Variants in MCUB observed in about 807,000 individuals in gnomAD.
MCUB encodes the protein mitochondrial calcium uniporter dominant negative subunit beta, also known as calcium uniporter regulatory subunit MCUb, mitochondrial.
A neutral mutation model predicts 41.4 loss-of-function variants in MCUB; 46 were observed. The ratio of observed to expected loss-of-function variants is 1.11; its 90% CI spans 0.88 to 1.42. The LOEUF (loss-of-function observed/expected upper bound fraction) is 1.42. Among genes scored for constraint, MCUB ranks in the 40% most tolerant of loss-of-function variants. The pLI is 0.00. For synonymous variants in MCUB, 148 were observed against 148.2 expected (o/e 1.00, Z 0.01); for missense variants, 403 against 404.9 (o/e 1.00, Z 0.04).
intron 1 of MCUB, among the ~76,000 whole-genome samples, chr4:109,576,258 G>A (rs978220055): frequency 7.9e-5 from 12 of 152,126 alleles, no homozygotes; most frequent in Non-Finnish European, 2.9e-5. Context: ...TGTAGTCTCC[G>A]TTAGAGACAT....
At position 109,682,691 on chromosome 4, in the gene MCUB, T is replaced by C. The variant is rs566061892; in HGVS notation, c.561T>C (p.His187=). 28 of 1,613,692 alleles carry C rather than the reference T, an allele frequency of 1.7e-5. No individual in the cohort carries two copies. The highest frequency in any genetic ancestry group is 2.1e-5 in the Non-Finnish European group (25 of 1,179,638). The part of the protein sequence containing the change: ...LEESQKKREH[H]LLEKIDHLKE... The stretch of plus-strand genomic sequence containing the variant: ...AGTCTCAGAAAAAGAGAGAGCACCA[T>C]TTACTGGAGAAAATTGACCACCTGA... The change falls in exon 5 of 8, where the codon CAT becomes CAC. Residue 187 remains histidine, a synonymous_variant. Coordinates refer to ENST00000394650, the MANE Select transcript of MCUB (RefSeq NM_017918.5).
Position 109,642,143 on chromosome 4 carries a change from T to A in MCUB, c.100-16868T>A, listed in dbSNP as rs571366203. On this transcript the variant is annotated intron_variant, in intron 1 of 7. Coordinates refer to ENST00000394650, the MANE Select transcript of MCUB (RefSeq NM_017918.5). ...ATATGATTTTGAAGATCTTTAGTGGTGATAAGAATTTATCTTTTCAAGGGG... is the reference window on the plus strand; with the variant it reads ...ATATGATTTTGAAGATCTTTAGTGGAGATAAGAATTTATCTTTTCAAGGGG... Among the ~76,000 whole-genome samples, 153 of 152,330 alleles carry A rather than the reference T, an allele frequency of 1.0e-3. 2 individuals are homozygous for A. The South Asian group carries it at 0.031, about 31-fold the overall frequency.
At chr4:109,672,710 G>A (rs1729484731) in intron 4 of MCUB, among the ~76,000 whole-genome samples, 1 of 152,174 alleles carries the variant, frequency 6.6e-6, no homozygotes, top group Non-Finnish European at 1.5e-5. Flanking sequence ...CATCAACAGG[G>A]AGGGAATTTA....
At position 109,623,289 on chromosome 4, in the gene MCUB, G is replaced by A. The variant is rs982456666; in HGVS notation, c.100-35722G>A. On this transcript the variant is annotated intron_variant, in intron 1 of 7. Coordinates refer to ENST00000394650, the MANE Select transcript of MCUB (RefSeq NM_017918.5). ...TGGATGTAAGACCAGATATCGAAGG[G>A]CATACTACTTACTGATGATGCCAGC... Among the ~76,000 whole-genome samples, 5 of 152,164 alleles carry A rather than the reference G, an allele frequency of 3.3e-5. No individual in the cohort carries two copies. The East Asian group carries it at 5.8e-4, about 18-fold the overall frequency.
intron 1 of MCUB, among the ~76,000 whole-genome samples, chr4:109,619,022 A>ACCTGCCTG (rs70954173): frequency 0.22 from 29,691 of 133,846 alleles, 4,066 homozygotes; most frequent in Admixed American, 0.3. Flanking sequence ...CTACCTATCT[A>ACCTGCCTG]CCTGCCTGCC....
intron 1 of MCUB, among the ~76,000 whole-genome samples, chr4:109,591,710 G>GT (rs1265229100): frequency 6.6e-6 from 1 of 151,956 alleles, no homozygotes; most frequent in Non-Finnish European, 1.5e-5. Flanking sequence ...TTGTTTGTTT[G>GT]TTTTTTGAAA....
chr4:109,597,985 T>C (rs1204244099), intron 1 of MCUB, among the ~76,000 whole-genome samples: 1 of 140,790 alleles, frequency 7.1e-6, no homozygotes, highest in Non-Finnish European at 1.5e-5. Context: ...GCTCCCCACA[T>C]CTCAGACGAT....
intron 1 of MCUB, among the ~76,000 whole-genome samples, chr4:109,575,683 T>C (rs1727010340): frequency 6.6e-6 from 1 of 152,170 alleles, no homozygotes; most frequent in Non-Finnish European, 1.5e-5. Flanking sequence ...GGAGAGAAAA[T>C]ATACCACCTT....
chr4:109,664,503 T>C (rs1020550783), intron 4 of MCUB, 109 bp downstream of exon 4: 6 of 577,968 alleles, frequency 1.0e-5, no homozygotes, highest in Non-Finnish European at 1.8e-5. Context: ...TAGCTCACTG[T>C]AATCTCAAAC....
chr4:109,582,578 C>G (rs192754628), intron 1 of MCUB, among the ~76,000 whole-genome samples: 1,511 of 148,788 alleles, frequency 0.01, 20 homozygotes, highest in Non-Finnish European at 0.018. Context: ...AAAAAAAAAT[C>G]CCATTTGTCA....
chr4:109,670,146 T>C (rs1474119521), intron 4 of MCUB, among the ~76,000 whole-genome samples: 1 of 152,206 alleles, frequency 6.6e-6, no homozygotes, highest in African/African-American at 2.4e-5. Flanking sequence ...CCTTTTATAA[T>C]ATAGTGATAA....
intron 1 of MCUB, among the ~76,000 whole-genome samples, chr4:109,599,677 A>ATT (rs67976758): frequency 5.6e-5 from 8 of 142,288 alleles, no homozygotes; most frequent in African/African-American, 2.3e-4. Flanking sequence ...ATATTTATTT[A>ATT]TTTATTTTTT....
chr4:109,573,027 A>G (rs1726949560), intron 1 of MCUB, among the ~76,000 whole-genome samples: 1 of 152,228 alleles, frequency 6.6e-6, no homozygotes, highest in Non-Finnish European at 1.5e-5. Flanking sequence ...ACCTGTGCCC[A>G]GCAATGTCAA....
At chr4:109,606,148 G>T (rs1469572164) in intron 1 of MCUB, among the ~76,000 whole-genome samples, 1 of 152,046 alleles carries the variant, frequency 6.6e-6, no homozygotes, top group African/African-American at 2.4e-5. Context: ...CTAATATTTT[G>T]TATTTTTAGT....
In MCUB at chr4:109,607,697, A is replaced by G. The variant is rs1727910798; in HGVS notation, c.99+47261A>G. On this transcript the variant is annotated intron_variant, in intron 1 of 7. Coordinates refer to ENST00000394650, the MANE Select transcript of MCUB (RefSeq NM_017918.5). The stretch of plus-strand genomic sequence containing the variant: ...AAAGTTTTTTTTCCTTCAGCACTTT[A>G]AATATGTCATGCCACTCTCTCCTGG... Among the ~76,000 whole-genome samples, 3 of 152,198 alleles carry G rather than the reference A, an allele frequency of 2.0e-5. No individual in the cohort carries two copies. The South Asian group carries it at 6.2e-4, about 32-fold the overall frequency.
At chr4:109,596,250 A>G (rs1727552794) in intron 1 of MCUB, among the ~76,000 whole-genome samples, 1 of 76,052 alleles carries the variant, frequency 1.3e-5, no homozygotes, top group South Asian at 5.2e-4. Flanking sequence ...AGAAGAAAAT[A>G]AGGCTGGGGA....
In MCUB at chr4:109,640,379, A is replaced by G. The variant is rs117635848; in HGVS notation, c.100-18632A>G. On this transcript the variant is annotated intron_variant, in intron 1 of 7. Coordinates refer to ENST00000394650, the MANE Select transcript of MCUB (RefSeq NM_017918.5). ...TGGGCTCAGAGGCCTGACACCAGGC[A>G]TTGACTTTTCCTCTCTAGCTATGAA... is the stretch of plus-strand genomic sequence containing the variant. 1.4e-3 allele frequency among the ~76,000 whole-genome samples: 209 copies of G among 152,314 alleles called. 6 individuals are homozygous for G. The East Asian group carries it at 0.034, about 25-fold the overall frequency.
intron 1 of MCUB, among the ~76,000 whole-genome samples, chr4:109,627,383 A>G (rs1429901641): frequency 6.6e-6 from 1 of 152,216 alleles, no homozygotes; most frequent in Non-Finnish European, 1.5e-5. Context: ...CAGGGAATTG[A>G]AAGAGTCTAG....
chr4:109,590,185 GAGTA>G (rs34312047), intron 1 of MCUB, among the ~76,000 whole-genome samples: 53,763 of 151,772 alleles, frequency 0.35, 11,366 homozygotes, highest in South Asian at 0.54. Context: ...TTAATTCTAA[GAGTA>G]AGTAATAACC....
Sources: gnomAD v4.1 joint callset for allele counts (sites outside exome capture counted in the v4.1 genomes callset) on GRCh38, gnomAD v4.1.1 for gene constraint, MANE v1.5 for transcripts, NCBI Gene and HGNC (gene_info 2026-07-23, HGNC 2026-07-21) for gene names.